The following MAT2B variants were observed in gnomAD, a reference collection of about 807,000 sequenced individuals.
The protein encoded by MAT2B is methionine adenosyltransferase 2 subunit beta.
In MAT2B, 16 loss-of-function variants were observed where a neutral mutation model predicts 36.1. The observed-to-expected ratio is 0.44, with a 90% CI of 0.30 to 0.67. The LOEUF is 0.67. Ranked by LOEUF, MAT2B falls within the 30% of genes least tolerant of loss-of-function variation. The pLI is 0.09. For synonymous variants in MAT2B, 148 were observed against 136.9 expected (o/e 1.08, Z -0.57); for missense variants, 332 against 398.2 (o/e 0.83, Z 1.42).
chr5:163,504,819 T>A (rs1171138044), upstream of MAT2B, among the ~76,000 whole-genome samples: 1 of 152,186 alleles, frequency 6.6e-6, no homozygotes, highest in Non-Finnish European at 1.5e-5. Context: ...GCTGCTTAAA[T>A]TCTCGGTGCT....
intron 6 of MAT2B, 101 bp from the exon 7 acceptor site, chr5:163,518,092 A>T: frequency 1.3e-6 from 1 of 787,922 alleles, no homozygotes; most frequent in Non-Finnish European, 1.9e-6. Context: ...ATCTCTGTTT[A>T]AAAATATATA....
chr5:163,517,829 G>A (rs1343706385), intron 6 of MAT2B, 155 bp downstream of exon 6: 1 of 555,088 alleles, frequency 1.8e-6, no homozygotes, highest in Non-Finnish European at 3.3e-6. Context: ...CATCTGTAGA[G>A]AAGATCATGA....
chr5:163,505,285 C>T (rs976290193), upstream of MAT2B, among the ~76,000 whole-genome samples: 4 of 152,070 alleles, frequency 2.6e-5, no homozygotes, highest in Non-Finnish European at 5.9e-5. Context: ...AGTCGATCCT[C>T]ATGCACTGCG....
intron 5 of MAT2B, 119 bp downstream of exon 5, chr5:163,516,830 C>T: frequency 8.5e-6 from 8 of 942,876 alleles, no homozygotes; most frequent in Non-Finnish European, 1.3e-5. Context: ...TTTTTTAAAA[C>T]TAGGAGACCA....
At chr5:163,505,771 T>C in intron 1 of MAT2B, 22 bp downstream of exon 1, 1 of 1,260,258 alleles carries the variant, frequency 7.9e-7, no homozygotes. Flanking sequence ...GGCCTGGGCG[T>C]CTCCGGTGGG....
At position 163,513,556 on chromosome 5, in the gene MAT2B, C is replaced by T; in HGVS notation, c.260C>T (p.Pro87Leu). 6.4e-7 allele frequency: 1 copy of T among 1,568,796 alleles called. No individual in the cohort carries two copies. Among genetic ancestry groups the T allele is most frequent in the Non-Finnish European group, 8.8e-7 (1 of 1,141,660 alleles). The part of the protein sequence containing the change: ...AVHHIIHDFQ[P>L]HVIVHCAAER... ...AATACGTCAATGCTTAACTTCTAGC[C>T]CCATGTTATAGTACATTGTGCAGCA... The change falls in exon 3 of 7, where the codon CCC (proline) becomes CTC (leucine). Residue 87 changes from proline to leucine, a missense_variant and splice_region_variant. Physicochemically the swap from Pro to Leu is moderately conservative, Grantham distance 98 (BLOSUM62 -3). Coordinates refer to ENST00000321757, the MANE Select transcript of MAT2B (RefSeq NM_013283.5).
At chr5:163,510,309 G>A (rs902111953) in intron 1 of MAT2B, among the ~76,000 whole-genome samples, 1 of 142,704 alleles carries the variant, frequency 7.0e-6, no homozygotes, top group African/African-American at 2.6e-5. Flanking sequence ...TTTCATTTCT[G>A]TGTGTAATAA....
chr5:163,503,128 G>A (rs1008004891), upstream of MAT2B: 4 of 431,600 alleles, frequency 9.3e-6, no homozygotes, highest in African/African-American at 8.1e-5. Context: ...ATAGACCCAG[G>A]CTTGACTGGC....
At chr5:163,515,654 TTC>T (rs1229111175) in intron 4 of MAT2B, among the ~76,000 whole-genome samples, 1 of 152,078 alleles carries the variant, frequency 6.6e-6, no homozygotes, top group Non-Finnish European at 1.5e-5. Flanking sequence ...ATTCATTGCA[TTC>T]AGTTGTCATG....
At chr5:163,506,332 G>C (rs1168136524) in intron 1 of MAT2B, among the ~76,000 whole-genome samples, 1 of 152,174 alleles carries the variant, frequency 6.6e-6, no homozygotes, top group Admixed American at 6.5e-5. Flanking sequence ...TAAGGTTGGA[G>C]CCTGGAATTC....
intron 1 of MAT2B, 126 bp from the exon 2 acceptor site, chr5:163,511,876 G>A (rs1372059271): frequency 1.4e-6 from 1 of 706,578 alleles, no homozygotes; most frequent in Non-Finnish European, 2.4e-6. Context: ...GAATTGGCTT[G>A]CAGATATGGG....
Position 163,519,037 on chromosome 5 carries a change from A to C in MAT2B, c.*674A>C, listed in dbSNP as rs1291775431. On this transcript the variant is annotated 3_prime_UTR_variant, in exon 7 of 7. Coordinates refer to ENST00000321757, the MANE Select transcript of MAT2B (RefSeq NM_013283.5). ...ATATAAATATATAACTGTCCTTTTC[A>C]TCCCATGTTGCCGCTAAGTGATATT... is the stretch of plus-strand genomic sequence containing the variant. 1 of 152,306 alleles carries C rather than the reference A, an allele frequency of 6.6e-6. No homozygotes were observed. The highest frequency in any genetic ancestry group is 1.5e-5 in the Non-Finnish European group (1 of 68,000). The allele number at this position is 152,306 out of a possible 1,614,324, so 9.4% of individuals were successfully genotyped here. A position where few individuals can be genotyped will look rare whatever the true frequency, so the allele number is the denominator to read the frequency against.
At chr5:163,503,277 C>CA, upstream of MAT2B, 1 of 825,814 alleles carries the variant, frequency 1.2e-6, no homozygotes, top group East Asian at 2.5e-5. Flanking sequence ...AGTGAAGCTG[C>CA]TCCTCACGTT....
At chr5:163,512,250 A>G (rs779701901) in intron 2 of MAT2B, 54 bp downstream of exon 2, 5 of 1,422,562 alleles carry the variant, frequency 3.5e-6, no homozygotes, top group East Asian at 4.6e-5. Flanking sequence ...AGTTGTCTGG[A>G]TGATACAGAA....
At chr5:163,503,323 C>A (rs1293864594), upstream of MAT2B, 11 of 1,466,260 alleles carry the variant, frequency 7.5e-6, no homozygotes, top group Non-Finnish European at 9.5e-7. Context: ...CAGAAGCGAA[C>A]AAAGACCCAG....
chr5:163,512,397 A>T, intron 2 of MAT2B: 1 of 590,234 alleles, frequency 1.7e-6, no homozygotes, highest in Non-Finnish European at 3.0e-6. Context: ...AAAGACAAAT[A>T]TGAGACATTT....
intron 4 of MAT2B, among the ~76,000 whole-genome samples, chr5:163,515,624 C>G (rs1760117949): frequency 6.6e-6 from 1 of 151,836 alleles, no homozygotes; most frequent in South Asian, 2.1e-4. Flanking sequence ...ATTTTTTAAT[C>G]TAGCATCCAG....
rs201528924 is a variant in MAT2B at position 163,516,577 on chromosome 5, G to C, written c.586G>C (p.Ala196Pro). The C allele has an allele frequency of 3.6e-5, 58 of 1,614,182 alleles. No homozygotes were observed. In the Admixed American group the frequency reaches 9.5e-4, roughly 26 times the overall value. Residue 196 changes from alanine to proline, a missense_variant, in exon 5 of 7, where the codon GCT becomes CCT. By Grantham distance (27) the Ala-to-Pro change is conservative. Transcript: ENST00000321757. ...GGAAGTTGAAAAGCTCGAAGAAAGT[G>C]CTGTGACTGTTATGTTTGATAAAGT... ...YGEVEKLEESAVTVMFDKVQF... is the reference protein window; with the variant it reads ...YGEVEKLEESPVTVMFDKVQF...
At chr5:163,509,198 C>CAAG (rs139299935) in intron 1 of MAT2B, among the ~76,000 whole-genome samples, 10,741 of 152,116 alleles carry the variant, frequency 0.071, 1,233 homozygotes, top group African/African-American at 0.24. Context: ...TAAAATGAAA[C>CAAG]TGTACTTCAC....
Sources: gnomAD v4.1 joint callset for allele counts (sites outside exome capture counted in the v4.1 genomes callset) on GRCh38, gnomAD v4.1.1 for gene constraint, MANE v1.5 for transcripts, NCBI Gene and HGNC (gene_info 2026-07-23, HGNC 2026-07-21) for gene names.